The following TATDN1 variants were observed in gnomAD, a reference collection of about 807,000 sequenced individuals.
The protein encoded by TATDN1 is deoxyribonuclease TATDN1.
In TATDN1, 40 loss-of-function variants were observed where a neutral mutation model predicts 46.4. The ratio of observed to expected loss-of-function variants is 0.86; its 90% CI spans 0.67 to 1.12. The LOEUF (loss-of-function observed/expected upper bound fraction) is 1.12. TATDN1 is among the 50% of genes most tolerant of loss of function. The pLI, the probability that TATDN1 is intolerant of heterozygous loss-of-function variation, is 0.00. For synonymous variants in TATDN1, 95 were observed against 105.6 expected (o/e 0.90, Z 0.62); for missense variants, 326 against 348.4 (o/e 0.94, Z 0.51).
intron 11 of TATDN1, 89 bp downstream of exon 11, chr8:124,493,744 A>C (rs1435602490): frequency 1.4e-6 from 2 of 1,471,664 alleles, no homozygotes; most frequent in African/African-American, 2.8e-5. Flanking sequence ...GATTTTGCAA[A>C]ATTTTAATTC....
At chr8:124,525,767 GCA>G (rs1168873002) in intron 1 of TATDN1, among the ~76,000 whole-genome samples, 1 of 152,118 alleles carries the variant, frequency 6.6e-6, no homozygotes. Context: ...ATCCAAGAAT[GCA>G]TTATCAAATA....
intron 1 of TATDN1, among the ~76,000 whole-genome samples, chr8:124,532,918 G>A (rs1231858822): frequency 6.6e-6 from 1 of 152,190 alleles, no homozygotes; most frequent in African/African-American, 2.4e-5. Flanking sequence ...AAAAGTGTCT[G>A]TAAAGACAAC....
intron 4 of TATDN1, 71 bp from the exon 5 acceptor site, chr8:124,516,101 G>A: frequency 7.7e-7 from 1 of 1,291,342 alleles, no homozygotes; most frequent in Non-Finnish European, 1.0e-6. Context: ...ATGATATTTA[G>A]AGGATATCAA....
chr8:124,508,893 G>T (rs370017816), intron 6 of TATDN1, among the ~76,000 whole-genome samples: 60 of 152,184 alleles, frequency 3.9e-4, no homozygotes, highest in African/African-American at 1.4e-3. Flanking sequence ...CATTTTCTGG[G>T]CTTACAAAAT....
rs565612400 is a variant in TATDN1 at position 124,498,302 on chromosome 8, A to T, written c.594-2760T>A. 6.6e-5 allele frequency among the ~76,000 whole-genome samples: 10 copies of T among 152,254 alleles called. No individual in the cohort carries two copies. In the South Asian group the frequency reaches 8.3e-4, roughly 13 times the overall value. On this transcript the variant is annotated intron_variant, in intron 9 of 11. Transcript: ENST00000276692. Reference sequence around the variant, plus strand: ...TGAAACTTCATTTAAAGGTAAGAGTATAGGGAGCTAATTGTTAGGCTCATG... The same window carrying T: ...TGAAACTTCATTTAAAGGTAAGAGTTTAGGGAGCTAATTGTTAGGCTCATG...
intron 8 of TATDN1, chr8:124,504,686 A>C (rs1339868888): frequency 1.2e-5 from 2 of 170,566 alleles, no homozygotes; most frequent in Non-Finnish European, 2.5e-5. Context: ...AAAGCTTAGT[A>C]ATTTTATGGC....
At chr8:124,515,724 T>G (rs1819401443) in intron 6 of TATDN1, 22 bp downstream of exon 6, 1 of 1,609,396 alleles carries the variant, frequency 6.2e-7, no homozygotes, top group East Asian at 2.2e-5. Context: ...CAATAATTTG[T>G]AAAGCCAACA....
At position 124,514,963 on chromosome 8, in the gene TATDN1, G is replaced by A. The variant is rs1819330923; in HGVS notation, c.389+783C>T. Among the ~76,000 whole-genome samples, 4 of 152,130 alleles carry A rather than the reference G, an allele frequency of 2.6e-5. No homozygotes were observed. In the South Asian group the frequency reaches 8.3e-4, roughly 31 times the overall value. ...ATACTTTTGTGGGTTTTTTCTTGCTGGTTTTTTTTAGAGACGGAGTCTCCT... is the reference window on the plus strand; with the variant it reads ...ATACTTTTGTGGGTTTTTTCTTGCTAGTTTTTTTTAGAGACGGAGTCTCCT... On this transcript the variant is annotated intron_variant, in intron 6 of 11. Coordinates refer to ENST00000276692, the MANE Select transcript of TATDN1 (RefSeq NM_032026.4).
chr8:124,518,235 A>C (rs916213501), intron 4 of TATDN1, among the ~76,000 whole-genome samples: 6 of 130,304 alleles, frequency 4.6e-5, no homozygotes, highest in Non-Finnish European at 8.0e-5. Flanking sequence ...AAAAAAAAAA[A>C]AAAAAAAGGC....
intron 3 of TATDN1, among the ~76,000 whole-genome samples, chr8:124,520,411 T>C (rs950785736): frequency 1.3e-5 from 2 of 149,272 alleles, no homozygotes; most frequent in African/African-American, 5.0e-5. Flanking sequence ...CACTCCAGCC[T>C]GGGGGACAGA....
At position 124,488,517 on chromosome 8, in the gene TATDN1, A is replaced by ATTTC. The variant is rs1816600376; in HGVS notation, c.*73_*76dup. 3 of 733,654 alleles carry ATTTC rather than the reference A, an allele frequency of 4.1e-6. No homozygotes were observed. Among genetic ancestry groups the ATTTC allele is most frequent in the Non-Finnish European group, 2.3e-6 (1 of 428,336 alleles). The allele number at this position is 733,654 out of a possible 1,614,324, so 45.4% of individuals were successfully genotyped here. ...TATTTCTTTAGACAACTTGCAGATA[A>ATTTC]TTTCTTTATTGAAACTATCAGGAAG... On this transcript the variant is annotated 3_prime_UTR_variant, in exon 12 of 12. Coordinates refer to ENST00000276692, the MANE Select transcript of TATDN1 (RefSeq NM_032026.4).
intron 9 of TATDN1, among the ~76,000 whole-genome samples, chr8:124,503,543 T>A (rs1421943034): frequency 6.6e-6 from 1 of 152,210 alleles, no homozygotes; most frequent in Non-Finnish European, 1.5e-5. Context: ...TGATTCTATT[T>A]CCCTAGATTT....
At chr8:124,508,942 G>A (rs1198154873) in intron 6 of TATDN1, among the ~76,000 whole-genome samples, 1 of 152,102 alleles carries the variant, frequency 6.6e-6, no homozygotes, top group African/African-American at 2.4e-5. Context: ...AACACCACTG[G>A]CCCCTTGCCA....
At chr8:124,497,762 A>G (rs1470467547) in intron 9 of TATDN1, among the ~76,000 whole-genome samples, 1 of 152,182 alleles carries the variant, frequency 6.6e-6, no homozygotes, top group Non-Finnish European at 1.5e-5. Flanking sequence ...CCAATGCATA[A>G]TTCACCAGGA....
chr8:124,504,548 T>C (rs1170842446), intron 8 of TATDN1: 5 of 368,162 alleles, frequency 1.4e-5, no homozygotes, highest in Non-Finnish European at 1.5e-5. Context: ...AGTGACATGA[T>C]GCAAAACGTT....
chr8:124,505,469 G>A (rs779236712), intron 8 of TATDN1, among the ~76,000 whole-genome samples: 15 of 150,410 alleles, frequency 1.0e-4, no homozygotes, highest in Admixed American at 7.3e-4. Context: ...AGCATAAACT[G>A]TAATCTCAGC....
intron 8 of TATDN1, 182 bp from the exon 9 acceptor site, chr8:124,504,529 A>G (rs1586591775): frequency 5.0e-6 from 2 of 401,376 alleles, no homozygotes; most frequent in East Asian, 7.9e-5. Context: ...ACAACCTGTC[A>G]TCATCTCCAG....
At chr8:124,529,925 C>G (rs1315871433) in intron 1 of TATDN1, among the ~76,000 whole-genome samples, 1 of 152,090 alleles carries the variant, frequency 6.6e-6, no homozygotes, top group Non-Finnish European at 1.5e-5. Context: ...AATCCAGTCT[C>G]TACTAAAAAT....
At chr8:124,521,929 A>G in intron 3 of TATDN1, 1 of 369,610 alleles carries the variant, frequency 2.7e-6, no homozygotes, top group Non-Finnish European at 4.8e-6. Context: ...AGCTTTTGCC[A>G]TTTATCATAT....
Sources: allele counts gnomAD v4.1 joint callset (sites outside exome capture counted in the v4.1 genomes callset), GRCh38; gene constraint gnomAD v4.1.1; transcripts MANE v1.5; gene names NCBI Gene and HGNC (gene_info 2026-07-23, HGNC 2026-07-21).